RBMS3: variants seen among roughly 807,000 people sequenced by gnomAD.
The protein encoded by RBMS3 is RNA binding motif single stranded interacting protein 3, also known as RNA-binding motif, single-stranded-interacting protein 3.
In RBMS3, 27 loss-of-function variants were observed where a neutral mutation model predicts 66.8. The ratio of observed to expected loss-of-function variants is 0.40; its 90% CI spans 0.30 to 0.56. RBMS3 has a LOEUF of 0.56. Among genes scored for constraint, RBMS3 ranks in the 20% least tolerant of loss-of-function variants. RBMS3 has a pLI of 0.40. For synonymous variants in RBMS3, 188 were observed against 183.0 expected (o/e 1.03, Z -0.22); for missense variants, 513 against 549.5 (o/e 0.93, Z 0.66).
At chr3:29,661,453 C>T (rs1394725196) in intron 4 of RBMS3, among the ~76,000 whole-genome samples, 1 of 151,914 alleles carries the variant, frequency 6.6e-6, no homozygotes. Context: ...ATTTTTTTGC[C>T]TCCTGTTTTT....
chr3:29,898,065 T>C (rs1473974443), intron 9 of RBMS3, among the ~76,000 whole-genome samples: 1 of 151,668 alleles, frequency 6.6e-6, no homozygotes, highest in Non-Finnish European at 1.5e-5. Context: ...AGTCTGAGAC[T>C]CAATGTGTGT....
At chr3:29,943,554 A>G (rs932073405) in intron 11 of RBMS3, among the ~76,000 whole-genome samples, 9 of 151,904 alleles carry the variant, frequency 5.9e-5, no homozygotes, top group African/African-American at 2.2e-4. Context: ...GACACCTTCA[A>G]TGCTAGGAGA....
intron 2 of RBMS3, among the ~76,000 whole-genome samples, chr3:29,483,875 G>A (rs1055164254): frequency 6.6e-6 from 1 of 152,112 alleles, no homozygotes; most frequent in Admixed American, 6.5e-5. Context: ...GTATTAGCCC[G>A]AAATAGTATG....
At chr3:29,380,209 A>ATC (rs1491437487) in intron 1 of RBMS3, among the ~76,000 whole-genome samples, 8 of 104,768 alleles carry the variant, frequency 7.6e-5, no homozygotes, top group Admixed American at 6.3e-4. Flanking sequence ...TAGTAGGGGA[A>ATC]TCTCACACAC....
At chr3:29,866,623 T>C (rs1282078295) in intron 6 of RBMS3, among the ~76,000 whole-genome samples, 1 of 152,218 alleles carries the variant, frequency 6.6e-6, no homozygotes, top group African/African-American at 2.4e-5. Context: ...ATACATAGTT[T>C]TGGAATCTCA....
At chr3:29,906,082 G>A (rs11926208) in intron 10 of RBMS3, among the ~76,000 whole-genome samples, 77 of 152,034 alleles carry the variant, frequency 5.1e-4, no homozygotes, top group African/African-American at 1.5e-3. Flanking sequence ...AGAACTTTTC[G>A]TCTACCCAAG....
intron 1 of RBMS3, among the ~76,000 whole-genome samples, chr3:29,347,508 GA>G (rs1312671370): frequency 6.6e-6 from 1 of 152,106 alleles, no homozygotes; most frequent in African/African-American, 2.4e-5. Flanking sequence ...CTTGATAATT[GA>G]AGTTATTATC....
intron 1 of RBMS3, among the ~76,000 whole-genome samples, chr3:29,299,740 A>G (rs995201806): frequency 2.0e-5 from 3 of 151,938 alleles, no homozygotes; most frequent in Non-Finnish European, 4.4e-5. Context: ...ATATACAAAC[A>G]CTACACCATG....
chr3:29,820,440 AT>A (rs2058049405), intron 6 of RBMS3, among the ~76,000 whole-genome samples: 3 of 151,862 alleles, frequency 2.0e-5, no homozygotes, highest in Non-Finnish European at 4.4e-5. Context: ...AATCTATTTG[AT>A]AGATTCCATG....
At chr3:29,457,653 C>T (rs1226306944) in intron 2 of RBMS3, among the ~76,000 whole-genome samples, 1 of 152,082 alleles carries the variant, frequency 6.6e-6, no homozygotes, top group Non-Finnish European at 1.5e-5. Context: ...ACCCAGGAGG[C>T]GAAGGTTGCA....
At chr3:29,551,664 T>C (rs2149032564) in intron 3 of RBMS3, among the ~76,000 whole-genome samples, 1 of 152,280 alleles carries the variant, frequency 6.6e-6, no homozygotes, top group African/African-American at 2.4e-5. Flanking sequence ...AGAGGAATAA[T>C]ATGGAAGATG....
chr3:29,439,618 A>T (rs371407640), intron 2 of RBMS3, among the ~76,000 whole-genome samples: 1 of 63,774 alleles, frequency 1.6e-5, no homozygotes, highest in East Asian at 4.5e-4. Context: ...TATTTTTATT[A>T]TTATTATACT....
In RBMS3 at chr3:29,587,097, A is replaced by T. The variant is rs13079024; in HGVS notation, c.308-17A>T. 1 of 1,588,040 alleles carries T rather than the reference A, an allele frequency of 6.3e-7. No homozygotes were observed. The highest frequency in any genetic ancestry group is 8.6e-7 in the Non-Finnish European group (1 of 1,164,140). ...GCTTTTTGTGAATATTAACAAGGGG[A>T]TTTTGTGTTTTCACAGGTTATGGTT... On this transcript the variant is annotated splice_polypyrimidine_tract_variant and intron_variant, in intron 3 of 14. Coordinates refer to ENST00000383767, the MANE Select transcript of RBMS3 (RefSeq NM_001003793.3).
intron 10 of RBMS3, chr3:29,927,000 T>G (rs2149670141): frequency 6.6e-6 from 1 of 152,336 alleles, no homozygotes; most frequent in East Asian, 1.9e-4. Context: ...GGCTGTAATA[T>G]GTACAGAACA....
intron 6 of RBMS3, among the ~76,000 whole-genome samples, chr3:29,793,552 TC>T (rs1276853859): frequency 2.0e-5 from 3 of 152,248 alleles, no homozygotes; most frequent in Admixed American, 6.5e-5. Flanking sequence ...TGATGCCTGA[TC>T]TTATTTAAGA....
At chr3:29,731,045 T>C in intron 4 of RBMS3, 2 of 984,592 alleles carry the variant, frequency 2.0e-6, no homozygotes, top group Non-Finnish European at 2.4e-6. Flanking sequence ...CTGGAGATCC[T>C]CATGGAATCA....
chr3:29,379,166 G>A (rs2038640797), intron 1 of RBMS3, among the ~76,000 whole-genome samples: 1 of 152,130 alleles, frequency 6.6e-6, no homozygotes, highest in Non-Finnish European at 1.5e-5. Flanking sequence ...CACATACAGT[G>A]CAAGTCACAT....
chr3:29,508,687 T>A (rs1412388620), intron 3 of RBMS3, among the ~76,000 whole-genome samples: 2 of 152,058 alleles, frequency 1.3e-5, no homozygotes, highest in African/African-American at 4.8e-5. Context: ...TATAGTAGAA[T>A]GATTTTTAAT....
In RBMS3 at chr3:29,533,763, C is replaced by T. The variant is rs536979858; in HGVS notation, c.307+45264C>T. On this transcript the variant is annotated intron_variant, in intron 3 of 14. Coordinates refer to ENST00000383767, the MANE Select transcript of RBMS3 (RefSeq NM_001003793.3). The stretch of plus-strand genomic sequence containing the variant: ...CTGCACTCCAGCCTGGGCAACAGAG[C>T]GAGGCTCCGTCTCTAAATAAATAAA... 4.6e-5 allele frequency among the ~76,000 whole-genome samples: 7 copies of T among 152,000 alleles called. No homozygotes were observed. In the South Asian group the frequency reaches 1.0e-3, roughly 22 times the overall value.
Sources: allele counts gnomAD v4.1 joint callset (sites outside exome capture counted in the v4.1 genomes callset), GRCh38; gene constraint gnomAD v4.1.1; transcripts MANE v1.5; gene names NCBI Gene and HGNC (gene_info 2026-07-23, HGNC 2026-07-21).